The following DIS3L variants were observed in gnomAD, a reference collection of about 807,000 sequenced individuals.
The protein encoded by DIS3L is DIS3 like exosome 3'-5' exoribonuclease, also known as DIS3-like exonuclease 1.
Under a neutral mutation model 120.3 loss-of-function variants are expected in DIS3L, and 100 were observed. That is an observed-to-expected ratio of 0.83 (90% CI 0.71 to 0.98). The LOEUF is 0.98. Ranked by LOEUF, DIS3L falls within the 50% of genes least tolerant of loss-of-function variation. The probability of loss-of-function intolerance (pLI) is 0.00; values close to 1 mark genes in which losing one functional copy is unlikely to be tolerated. For missense variants in DIS3L, 1,196 were observed against 1,314.2 expected (o/e 0.91, Z 1.39); for synonymous variants, 426 against 470.6 (o/e 0.91, Z 1.23).
At position 66,333,385 on chromosome 15, in the gene DIS3L, T is replaced by G; in HGVS notation, c.*73T>G. The stretch of plus-strand genomic sequence containing the variant: ...CTTTTCAAACTTAACATTTAATGTG[T>G]GTCACTCAGTGCTCTAGTCGATCAG... On this transcript the variant is annotated 3_prime_UTR_variant, in exon 17 of 17. Coordinates refer to ENST00000319212, the MANE Select transcript of DIS3L (RefSeq NM_001143688.3). The G allele has an allele frequency of 4.2e-6, 6 of 1,436,750 alleles. No individual in the cohort carries two copies. Among genetic ancestry groups the G allele is most frequent in the Non-Finnish European group, 5.7e-6 (6 of 1,061,188 alleles). The allele number at this position is 1,436,750 out of a possible 1,614,324, so 89.0% of individuals were successfully genotyped here.
intron 7 of DIS3L, among the ~76,000 whole-genome samples, 176 bp from the exon 8 acceptor site, chr15:66,318,273 C>A (rs966616751): frequency 6.6e-6 from 1 of 151,950 alleles, no homozygotes; most frequent in Non-Finnish European, 1.5e-5. Flanking sequence ...CATGCCTGGC[C>A]GTTATTGTTG....
intron 4 of DIS3L, among the ~76,000 whole-genome samples, chr15:66,309,094 A>AAAATATATATATATATATATAT: frequency 2.6e-4 from 4 of 15,304 alleles, no homozygotes; most frequent in Non-Finnish European, 3.6e-4. Flanking sequence ...AAAAAAAAAA[A>AAAATATATATATATATATATAT]ATATATATAT....
At chr15:66,293,466 C>T, upstream of DIS3L, 2 of 1,225,756 alleles carry the variant, frequency 1.6e-6, no homozygotes, top group Non-Finnish European at 1.0e-6. Context: ...CGTGTAGCTC[C>T]GGGCCTCCCC....
chr15:66,308,791 G>C lies in DIS3L; in HGVS notation c.505G>C (p.Ala169Pro). The change falls in exon 4 of 17, where the codon GCA becomes CCA. Residue 169 changes from alanine (A) to proline (P), a missense_variant. By Grantham distance (27) the Ala-to-Pro change is conservative. Transcript: ENST00000319212. ...PIVMVTEDEEAIQQYGSETEG... is the reference protein window; with the variant it reads ...PIVMVTEDEEPIQQYGSETEG... Reference sequence around the variant, plus strand: ...TGTTATGGTGACAGAAGATGAAGAGGCAATTCAGCAGTATGGAAGTGAAAC... The same window carrying C: ...TGTTATGGTGACAGAAGATGAAGAGCCAATTCAGCAGTATGGAAGTGAAAC... The C allele has an allele frequency of 6.2e-7, 1 of 1,613,408 alleles. No homozygotes were observed. Among genetic ancestry groups the C allele is most frequent in the Non-Finnish European group, 8.5e-7 (1 of 1,179,668 alleles).
In DIS3L at chr15:66,333,570, A is replaced by G. The variant is rs1407754288; in HGVS notation, c.*258A>G. The G allele has an allele frequency of 3.9e-6, 1 of 254,406 alleles. No individual in the cohort carries two copies. The highest frequency in any genetic ancestry group is 2.3e-5 in the African/African-American group (1 of 44,108). The allele number at this position is 254,406 out of a possible 1,614,324, so 15.8% of individuals were successfully genotyped here. A position where few individuals can be genotyped will look rare whatever the true frequency, so the allele number is the denominator to read the frequency against. The stretch of plus-strand genomic sequence containing the variant: ...ACGGTGAAACCCAGTCTCTACTAAA[A>G]ATACAAAAATTAGCCCGGCGTGGTG... On this transcript the variant is annotated 3_prime_UTR_variant, in exon 17 of 17. Coordinates refer to ENST00000319212, the MANE Select transcript of DIS3L (RefSeq NM_001143688.3).
chr15:66,322,453 G>C (rs185102611), intron 9 of DIS3L, among the ~76,000 whole-genome samples: 7 of 152,160 alleles, frequency 4.6e-5, no homozygotes, highest in African/African-American at 1.7e-4. Flanking sequence ...GTCCTCAGGG[G>C]TGTAGGACTT....
intron 4 of DIS3L, among the ~76,000 whole-genome samples, chr15:66,311,050 T>TAAAAA (rs34815047): frequency 1.1e-5 from 1 of 88,560 alleles, no homozygotes; most frequent in Non-Finnish European, 2.2e-5. Flanking sequence ...CCCTGTCCCT[T>TAAAAA]AAAAAAAAAA....
intron 11 of DIS3L, among the ~76,000 whole-genome samples, chr15:66,323,909 C>G (rs1313611457): frequency 6.6e-6 from 1 of 152,104 alleles, no homozygotes; most frequent in Non-Finnish European, 1.5e-5. Flanking sequence ...CATTCCCTGG[C>G]GGAAGTTGTT....
chr15:66,326,090 C>A lies in DIS3L; in HGVS notation c.1927C>A (p.Arg643=). ...TDIARHVRAK[R]DGCGALELEG... ...CATAGCTCGCCATGTCAGAGCTAAA[C>A]GAGACGGATGTGGTGCCCTGGAACT... Residue 643 remains arginine (R), a synonymous_variant, in exon 12 of 17, where the codon CGA becomes AGA. Transcript: ENST00000319212. 1.2e-6 allele frequency: 2 copies of A among 1,614,168 alleles called. No homozygotes were observed. The highest frequency in any genetic ancestry group is 1.7e-6 in the Non-Finnish European group (2 of 1,180,032).
chr15:66,320,928 C>T (rs749348653), intron 9 of DIS3L, among the ~76,000 whole-genome samples, 196 bp downstream of exon 9: 32 of 152,160 alleles, frequency 2.1e-4, no homozygotes, highest in Non-Finnish European at 3.2e-4. Flanking sequence ...AATTAGTTTT[C>T]TATAGCCTCA....
At chr15:66,314,592 G>C (rs1358710935) in intron 6 of DIS3L, among the ~76,000 whole-genome samples, 1 of 152,214 alleles carries the variant, frequency 6.6e-6, no homozygotes, top group Non-Finnish European at 1.5e-5. Flanking sequence ...GCTGGGTGGA[G>C]AGAGAATGAG....
At chr15:66,323,722 A>C in intron 11 of DIS3L, 137 bp downstream of exon 11, 3 of 779,312 alleles carry the variant, frequency 3.8e-6, no homozygotes, top group Non-Finnish European at 2.1e-6. Context: ...TCTCAACCTC[A>C]CCCCCGACCC....
chr15:66,312,432 T>C (rs527885810), intron 5 of DIS3L, among the ~76,000 whole-genome samples: 4 of 152,140 alleles, frequency 2.6e-5, no homozygotes, highest in African/African-American at 9.7e-5. Context: ...CTGTTACATA[T>C]TGAACATCAT....
At chr15:66,305,096 G>T (rs1366683616) in intron 2 of DIS3L, among the ~76,000 whole-genome samples, 1 of 149,014 alleles carries the variant, frequency 6.7e-6, no homozygotes, top group East Asian at 2.0e-4. Context: ...CGCCTCCAGG[G>T]TTCACGCCCA....
intron 1 of DIS3L, chr15:66,293,994 C>T: frequency 1.0e-6 from 1 of 990,864 alleles, no homozygotes; most frequent in Non-Finnish European, 1.2e-6. Context: ...GACCCGCACC[C>T]CATGCCGGAG....
Position 66,295,018 on chromosome 15 carries a change from A to G in DIS3L, c.170A>G (p.His57Arg), listed in dbSNP as rs1178565476. The G allele has an allele frequency of 2.5e-6, 4 of 1,613,836 alleles. No homozygotes were observed. The African/African-American group carries it at 5.3e-5, about 22-fold the overall frequency. The change falls in exon 2 of 17, where the codon CAT (histidine) becomes CGT (arginine). Residue 57 changes from histidine to arginine, a missense_variant. Coordinates refer to ENST00000319212, the MANE Select transcript of DIS3L (RefSeq NM_001143688.3). Reference sequence around the variant, plus strand: ...AAACTCTTGTCTAGTGATGTGACTCATTACGTGATCCCAGACTGGAAAGTT... The same window carrying G: ...AAACTCTTGTCTAGTGATGTGACTCGTTACGTGATCCCAGACTGGAAAGTT... The part of the protein sequence containing the change: ...DGKLLSSDVT[H>R]YVIPDWKVVQ...
intron 1 of DIS3L, chr15:66,294,549 C>T: frequency 2.0e-6 from 2 of 990,414 alleles, no homozygotes; most frequent in Non-Finnish European, 2.4e-6. Flanking sequence ...TTTCTCTGTT[C>T]AATCTTTCTG....
In DIS3L at chr15:66,326,275, C is replaced by T; in HGVS notation, c.2112C>T (p.Ala704=). ...TCTGGGAGAGCTTCCCTCATCAGGC[C>T]TTGCTGCGCCAGCACCCTCCTCCAC... ...KKIWESFPHQ[A]LLRQHPPPHQ... Residue 704 remains alanine (A), a synonymous_variant, in exon 12 of 17, where the codon GCC becomes GCT. Coordinates refer to ENST00000319212, the MANE Select transcript of DIS3L (RefSeq NM_001143688.3). The T allele has an allele frequency of 6.2e-7, 1 of 1,614,152 alleles. No individual in the cohort carries two copies. The highest frequency in any genetic ancestry group is 8.5e-7 in the Non-Finnish European group (1 of 1,180,038).
chr15:66,319,275 A>G (rs1399855278), intron 8 of DIS3L, among the ~76,000 whole-genome samples: 1 of 152,158 alleles, frequency 6.6e-6, no homozygotes. Context: ...AATATATGAA[A>G]ACCATCCATT....
Sources: gnomAD v4.1 joint callset for allele counts (sites outside exome capture counted in the v4.1 genomes callset) on GRCh38, gnomAD v4.1.1 for gene constraint, MANE v1.5 for transcripts, NCBI Gene and HGNC (gene_info 2026-07-23, HGNC 2026-07-21) for gene names.